Variants in NYAP2 observed in about 807,000 individuals in gnomAD.
NYAP2 encodes neuronal tyrosine-phosphorylated phosphoinositide-3-kinase adapter 2.
A neutral mutation model predicts 50.4 loss-of-function variants in NYAP2; 23 were observed. That is an observed-to-expected ratio of 0.46 (90% confidence interval 0.33 to 0.65). The LOEUF (loss-of-function observed/expected upper bound fraction) is 0.65, where lower values mean the gene tolerates loss of function less well. Ranked by LOEUF, NYAP2 falls within the 30% of genes least tolerant of loss-of-function variation. The pLI is 0.02. For synonymous variants in NYAP2, 394 were observed against 365.2 expected (o/e 1.08, Z -0.90); for missense variants, 885 against 861.0 (o/e 1.03, Z -0.35).
At chr2:225,434,615 A>G (rs1483551913) in intron 3 of NYAP2, among the ~76,000 whole-genome samples, 1 of 152,230 alleles carries the variant, frequency 6.6e-6, no homozygotes, top group Non-Finnish European at 1.5e-5. Flanking sequence ...GCATAACACC[A>G]GCTGGTATGT....
rs542061315 is a variant in NYAP2 at position 225,401,627 on chromosome 2, A to G, written c.-18+584A>G. Among the ~76,000 whole-genome samples the G allele has an allele frequency of 2.0e-5, 3 of 152,028 alleles. No individual in the cohort carries two copies. In the East Asian group the frequency reaches 5.8e-4, roughly 30 times the overall value. ...TTTTATTAGTCTCATCACAATAAAT[A>G]TTTTCTGTAAAACTTTAGGTGGACT... is the stretch of plus-strand genomic sequence containing the variant. On this transcript the variant is annotated intron_variant, in intron 2 of 6. Transcript: ENST00000636099.
intron 4 of NYAP2, among the ~76,000 whole-genome samples, chr2:225,563,404 T>A (rs1456177871): frequency 2.6e-5 from 4 of 152,092 alleles, no homozygotes; most frequent in Non-Finnish European, 5.9e-5. Flanking sequence ...GGGAAATCAC[T>A]TTTTTCGTCT....
chr2:225,574,276 A>T (rs757723188), intron 4 of NYAP2, among the ~76,000 whole-genome samples: 4 of 152,158 alleles, frequency 2.6e-5, no homozygotes, highest in Non-Finnish European at 4.4e-5. Context: ...TGTGATGTAC[A>T]GTCTCGTTCA....
intron 3 of NYAP2, among the ~76,000 whole-genome samples, chr2:225,457,131 A>G (rs1689751942): frequency 6.6e-6 from 1 of 152,244 alleles, no homozygotes; most frequent in East Asian, 1.9e-4. Context: ...ATCATGTGCC[A>G]GGCACTGGTC....
intron 3 of NYAP2, among the ~76,000 whole-genome samples, chr2:225,478,643 A>G (rs976862109): frequency 1.3e-5 from 2 of 152,116 alleles, no homozygotes; most frequent in Non-Finnish European, 2.9e-5. Context: ...TGGCAACGTG[A>G]CCTTAAATTT....
chr2:225,487,316 T>C (rs1405938829), intron 3 of NYAP2, among the ~76,000 whole-genome samples: 1 of 152,046 alleles, frequency 6.6e-6, no homozygotes, highest in African/African-American at 2.4e-5. Context: ...ACCTCTGCCG[T>C]AGCCTCGAGC....
At chr2:225,477,525 C>T (rs966059576) in intron 3 of NYAP2, among the ~76,000 whole-genome samples, 5 of 151,954 alleles carry the variant, frequency 3.3e-5, no homozygotes, top group Non-Finnish European at 7.4e-5. Context: ...TGTGAGCCAC[C>T]GTGCCCGGCC....
intron 5 of NYAP2, among the ~76,000 whole-genome samples, chr2:225,589,531 A>G (rs1692455990): frequency 7.3e-6 from 1 of 136,750 alleles, no homozygotes; most frequent in Admixed American, 7.4e-5. Flanking sequence ...ATATATATAT[A>G]TATATATATA....
intron 3 of NYAP2, among the ~76,000 whole-genome samples, chr2:225,427,618 A>G (rs1184355320): frequency 6.6e-6 from 1 of 152,052 alleles, no homozygotes; most frequent in East Asian, 1.9e-4. Context: ...GTGGTATCTC[A>G]CTGAAACCTT....
chr2:225,484,682 T>C (rs904175109), intron 3 of NYAP2, among the ~76,000 whole-genome samples: 1 of 152,236 alleles, frequency 6.6e-6, no homozygotes, highest in African/African-American at 2.4e-5. Context: ...CTTAATGTCA[T>C]ATTTTCTCAC....
chr2:225,638,724 C>G (rs1693471785), intron 6 of NYAP2, among the ~76,000 whole-genome samples: 2 of 152,176 alleles, frequency 1.3e-5, no homozygotes. Flanking sequence ...TGTCAAACAC[C>G]TTTCCCAGCC....
chr2:225,622,938 T>C (rs544016678), intron 5 of NYAP2, among the ~76,000 whole-genome samples: 1 of 152,332 alleles, frequency 6.6e-6, no homozygotes, highest in African/African-American at 2.4e-5. Context: ...CTTTTAAAAA[T>C]GTCTATAAAT....
At chr2:225,581,756 C>A (rs1025843065) in intron 4 of NYAP2, among the ~76,000 whole-genome samples, 185 bp from the exon 5 acceptor site, 6 of 152,094 alleles carry the variant, frequency 3.9e-5, no homozygotes, top group Non-Finnish European at 8.8e-5. Flanking sequence ...TATTATTCTG[C>A]CATCAGGTTT....
intron 3 of NYAP2, 44 bp downstream of exon 3, chr2:225,409,145 A>C: frequency 7.2e-7 from 1 of 1,380,688 alleles, no homozygotes; most frequent in Non-Finnish European, 1.0e-6. Context: ...CACATGAGAA[A>C]GTCCATGAGG....
At chr2:225,405,934 A>G (rs535326032) in intron 2 of NYAP2, among the ~76,000 whole-genome samples, 35 of 152,138 alleles carry the variant, frequency 2.3e-4, no homozygotes, top group African/African-American at 7.9e-4. Flanking sequence ...CCTTTGTTTC[A>G]AAGTAAAATT....
chr2:225,624,095 A>G (rs1373873016), intron 5 of NYAP2, among the ~76,000 whole-genome samples: 1 of 152,236 alleles, frequency 6.6e-6, no homozygotes, highest in African/African-American at 2.4e-5. Context: ...AAAAGTATAT[A>G]AAGAAAAGTA....
At chr2:225,593,503 A>T (rs989355890) in intron 5 of NYAP2, among the ~76,000 whole-genome samples, 5 of 152,100 alleles carry the variant, frequency 3.3e-5, no homozygotes, top group African/African-American at 9.7e-5. Context: ...CTAATCCTTG[A>T]CTCCCAACTC....
intron 4 of NYAP2, among the ~76,000 whole-genome samples, chr2:225,553,161 G>C (rs531602883): frequency 1.3e-5 from 2 of 152,352 alleles, no homozygotes; most frequent in African/African-American, 4.8e-5. Context: ...CTGCCTGGCG[G>C]CGGCTGCTAA....
At chr2:225,589,374 A>G (rs1692448729) in intron 5 of NYAP2, among the ~76,000 whole-genome samples, 1 of 150,980 alleles carries the variant, frequency 6.6e-6, no homozygotes, top group African/African-American at 2.4e-5. Context: ...TGGCCTATTT[A>G]ATATACATTT....
Sources: allele counts gnomAD v4.1 joint callset (sites outside exome capture counted in the v4.1 genomes callset), GRCh38; gene constraint gnomAD v4.1.1; transcripts MANE v1.5; gene names NCBI Gene and HGNC (gene_info 2026-07-23, HGNC 2026-07-21).